Variants in MYO18B observed in about 807,000 individuals in gnomAD.
MYO18B encodes the protein unconventional myosin-XVIIIb.
MYO18B carries 204 observed loss-of-function variants against 273.0 expected under a neutral mutation model. The observed-to-expected ratio is 0.75, with a 90% CI of 0.67 to 0.84. The LOEUF is 0.84. Ranked by LOEUF, MYO18B falls within the 40% of genes least tolerant of loss-of-function variation. The pLI, the probability that MYO18B is intolerant of heterozygous loss-of-function variation, is 0.00. For missense variants in MYO18B, 3,212 were observed against 3,287.6 expected, an observed-to-expected ratio of 0.98 and a Z score of 0.56; for synonymous variants, 1,330 against 1,305.7, an observed-to-expected ratio of 1.02 and a Z score of -0.40.
chr22:25,994,653 G>A (rs1376521529), intron 40 of MYO18B, among the ~76,000 whole-genome samples: 1 of 152,216 alleles, frequency 6.6e-6, no homozygotes, highest in Non-Finnish European at 1.5e-5. Flanking sequence ...TGATCTTGCA[G>A]CTGCTTTCCA....
intron 27 of MYO18B, chr22:25,894,552 T>C (rs987757942): frequency 6.6e-6 from 1 of 152,240 alleles, no homozygotes; most frequent in South Asian, 2.1e-4. Flanking sequence ...AGGGATTTGG[T>C]ATCCATCTTA....
At chr22:25,764,545 C>T (rs1291670241) in intron 3 of MYO18B, among the ~76,000 whole-genome samples, 1 of 152,196 alleles carries the variant, frequency 6.6e-6, no homozygotes, top group African/African-American at 2.4e-5. Context: ...GTTTGCCCGG[C>T]TAGTCCCACA....
Position 25,769,182 on chromosome 22 carries a change from G to A in MYO18B, c.1266G>A (p.Val422=). 6.2e-7 allele frequency: 1 copy of A among 1,611,408 alleles called. No individual in the cohort carries two copies. The highest frequency in any genetic ancestry group is 8.5e-7 in the Non-Finnish European group (1 of 1,178,880). Residue 422 remains valine, a synonymous_variant, in exon 4 of 44, where the codon GTG becomes GTA. Coordinates refer to ENST00000335473, the MANE Select transcript of MYO18B (RefSeq NM_032608.7). ...TEKGCEAPKE[V]STMVESPAAP... ...AGGGCTGTGAAGCCCCAAAGGAGGT[G>A]AGCACAATGGTGGAGTCGCCAGCAG... is the stretch of plus-strand genomic sequence containing the variant.
intron 17 of MYO18B, among the ~76,000 whole-genome samples, chr22:25,836,659 C>T (rs922017958): frequency 6.6e-6 from 1 of 152,088 alleles, no homozygotes. Context: ...ACACTAGGCA[C>T]TTAAGAAGGC....
At chr22:25,774,765 G>A (rs1448290853) in intron 7 of MYO18B, among the ~76,000 whole-genome samples, 1 of 152,212 alleles carries the variant, frequency 6.6e-6, no homozygotes, top group Non-Finnish European at 1.5e-5. Context: ...GACACACCGG[G>A]GGACTCTCTC....
At chr22:25,774,877 C>G (rs79414906) in intron 7 of MYO18B, among the ~76,000 whole-genome samples, 3,166 of 152,308 alleles carry the variant, frequency 0.021, 107 homozygotes, top group African/African-American at 0.071. Flanking sequence ...GGGTGCGACC[C>G]CGTGGGTAGA....
At chr22:25,865,734 A>G (rs762277289) in intron 21 of MYO18B, among the ~76,000 whole-genome samples, 2 of 151,954 alleles carry the variant, frequency 1.3e-5, no homozygotes, top group Admixed American at 1.3e-4. Context: ...CTGGATCATG[A>G]TTTTTTTTCC....
chr22:25,936,959 TA>T (rs1258084155), intron 34 of MYO18B, among the ~76,000 whole-genome samples: 1 of 152,178 alleles, frequency 6.6e-6, no homozygotes, highest in African/African-American at 2.4e-5. Context: ...TACACATTTC[TA>T]GGGGACAGAA....
At chr22:25,839,150 GTA>G (rs758723541) in intron 17 of MYO18B, among the ~76,000 whole-genome samples, 106 of 151,954 alleles carry the variant, frequency 7.0e-4, no homozygotes, top group African/African-American at 2.4e-3. Context: ...GTATGAGTGT[GTA>G]TATATGTGTG....
intron 7 of MYO18B, 55 bp from the exon 8 acceptor site, chr22:25,777,528 A>G (rs1161455816): frequency 1.3e-6 from 2 of 1,502,026 alleles, no homozygotes; most frequent in South Asian, 1.3e-5. Flanking sequence ...CTGTCTTAGA[A>G]TGCTCCCTAG....
intron 25 of MYO18B, among the ~76,000 whole-genome samples, chr22:25,879,620 C>G (rs2091285968): frequency 6.6e-6 from 1 of 152,246 alleles, no homozygotes; most frequent in East Asian, 1.9e-4. Flanking sequence ...ATGAATCAGA[C>G]AGTTCCCACT....
chr22:25,781,376 G>A (rs2145661812), intron 9 of MYO18B, among the ~76,000 whole-genome samples: 1 of 152,264 alleles, frequency 6.6e-6, no homozygotes, highest in African/African-American at 2.4e-5. Context: ...TTGGGAGGCT[G>A]AGACGGGTGG....
chr22:26,025,200 C>T (rs1936146791), intron 42 of MYO18B, among the ~76,000 whole-genome samples: 1 of 152,264 alleles, frequency 6.6e-6, no homozygotes, highest in South Asian at 2.1e-4. Context: ...GCTCTCCTAC[C>T]CCAGCCATTC....
At chr22:25,927,664 G>A (rs1017339457) in intron 34 of MYO18B, among the ~76,000 whole-genome samples, 8 of 151,998 alleles carry the variant, frequency 5.3e-5, no homozygotes, top group Non-Finnish European at 1.0e-4. Context: ...ACCTATTCGC[G>A]TACTCCCTCC....
intron 40 of MYO18B, among the ~76,000 whole-genome samples, chr22:25,992,723 G>A (rs1046897599): frequency 7.2e-5 from 11 of 152,312 alleles, no homozygotes; most frequent in African/African-American, 2.6e-4. Flanking sequence ...CAAGCCTTTG[G>A]TGAGGCAATG....
intron 42 of MYO18B, among the ~76,000 whole-genome samples, chr22:26,025,428 A>G (rs150044221): frequency 5.3e-5 from 8 of 152,288 alleles, no homozygotes; most frequent in Admixed American, 1.3e-4. Flanking sequence ...AGAGTTCTGA[A>G]TCCTACAATC....
chr22:26,017,043 TC>T, intron 42 of MYO18B, among the ~76,000 whole-genome samples: 1 of 145,710 alleles, frequency 6.9e-6, no homozygotes. Context: ...CTTCCTTCCT[TC>T]CTTCCTTCCT....
At chr22:25,813,401 C>T (rs549311162) in intron 12 of MYO18B, among the ~76,000 whole-genome samples, 1 of 152,180 alleles carries the variant, frequency 6.6e-6, no homozygotes, top group African/African-American at 2.4e-5. Context: ...AAGCCCTCAC[C>T]TTCCAAGATG....
chr22:25,980,467 A>C (rs2093137448), intron 39 of MYO18B, among the ~76,000 whole-genome samples: 1 of 152,302 alleles, frequency 6.6e-6, no homozygotes, highest in East Asian at 1.9e-4. Context: ...TGGGTGGTGT[A>C]CAGTTCCATA....
Sources: allele counts gnomAD v4.1 joint callset (sites outside exome capture counted in the v4.1 genomes callset), GRCh38; gene constraint gnomAD v4.1.1; transcripts MANE v1.5; gene names NCBI Gene and HGNC (gene_info 2026-07-23, HGNC 2026-07-21).